Variants in SLC5A12 observed in about 807,000 individuals in gnomAD.
SLC5A12 encodes the protein sodium-coupled monocarboxylate transporter 2.
A neutral mutation model predicts 72.7 loss-of-function variants in SLC5A12; 46 were observed. The observed-to-expected ratio is 0.63, with a 90% CI of 0.50 to 0.81. SLC5A12 has a LOEUF of 0.81. SLC5A12 is among the 30% of genes least tolerant of loss of function. The pLI, the probability that SLC5A12 is intolerant of heterozygous loss-of-function variation, is 0.00. For synonymous variants in SLC5A12, 275 were observed against 264.4 expected (o/e 1.04, Z -0.39); for missense variants, 683 against 740.7 (o/e 0.92, Z 0.90).
intron 4 of SLC5A12, 47 bp downstream of exon 4, chr11:26,709,265 C>A: frequency 3.6e-6 from 5 of 1,396,194 alleles, no homozygotes; most frequent in South Asian, 1.3e-5. Context: ...GCCCTTATCC[C>A]ATATTAGGAG....
chr11:26,703,879 C>G lies in SLC5A12; in HGVS notation c.594G>C (p.Thr198=). The change falls in exon 5 of 15, where the codon ACG becomes ACC. Residue 198 remains threonine, a synonymous_variant. Coordinates refer to ENST00000396005, the MANE Select transcript of SLC5A12 (RefSeq NM_178498.4). ...QMVVMIVGFL[T]VLIQGSTHAG... is the part of the protein sequence containing the mutation. ...CATGAGTTGATCCTTGAATGAGAACCGTTAAGAAGCCCACAATCATGACAA... is the reference window on the plus strand; with the variant it reads ...CATGAGTTGATCCTTGAATGAGAACGGTTAAGAAGCCCACAATCATGACAA... 1.2e-6 allele frequency: 2 copies of G among 1,613,818 alleles called. No individual in the cohort carries two copies. Among genetic ancestry groups the G allele is most frequent in the Non-Finnish European group, 1.7e-6 (2 of 1,179,830 alleles).
intron 6 of SLC5A12, 88 bp from the exon 7 acceptor site, chr11:26,698,623 T>C: frequency 8.1e-7 from 1 of 1,237,828 alleles, no homozygotes; most frequent in African/African-American, 1.5e-5. Flanking sequence ...GGTAAAGGGT[T>C]TTGGGTCTTT....
chr11:26,716,533 T>TA (rs1855353305), intron 1 of SLC5A12, among the ~76,000 whole-genome samples: 2 of 152,190 alleles, frequency 1.3e-5, no homozygotes, highest in Non-Finnish European at 2.9e-5. Context: ...TGCCTGCTTG[T>TA]AAAAATACCT....
rs549854730 is a variant in SLC5A12, at chr11:26,672,700, T to C, written c.1707+702A>G. 2.2e-4 allele frequency among the ~76,000 whole-genome samples: 34 copies of C among 152,264 alleles called. 1 individual carries two copies. The South Asian group carries it at 6.8e-3, about 31-fold the overall frequency. ...TCAAGTCAGTAAGTCCAATTTTGTCTAACTACAGGCTCTTTCTGGTGGTCT... is the reference window on the plus strand; with the variant it reads ...TCAAGTCAGTAAGTCCAATTTTGTCCAACTACAGGCTCTTTCTGGTGGTCT... On this transcript the variant is annotated intron_variant, in intron 14 of 14. Coordinates refer to ENST00000396005, the MANE Select transcript of SLC5A12 (RefSeq NM_178498.4).
intron 8 of SLC5A12, among the ~76,000 whole-genome samples, chr11:26,695,780 C>A (rs559191176): frequency 5.3e-5 from 8 of 152,250 alleles, no homozygotes; most frequent in African/African-American, 1.7e-4. Flanking sequence ...ACTTGAAATG[C>A]AAACTCTACC....
intron 9 of SLC5A12, among the ~76,000 whole-genome samples, chr11:26,688,702 A>G (rs1201924229): frequency 6.6e-6 from 1 of 152,240 alleles, no homozygotes; most frequent in Non-Finnish European, 1.5e-5. Flanking sequence ...GCAAGGACAT[A>G]CAAGTCAAGA....
At chr11:26,689,170 C>A (rs771883759) in intron 9 of SLC5A12, among the ~76,000 whole-genome samples, 2 of 150,314 alleles carry the variant, frequency 1.3e-5, no homozygotes, top group Non-Finnish European at 2.9e-5. Context: ...CCTAGGCAGG[C>A]GGATCAGCTG....
chr11:26,697,147 G>A lies in SLC5A12; in HGVS notation c.1040+17C>T. ...TCCTTTCCATCATCATCATCAGATT[G>A]TTGTTGCTATACTAACCTCAGAGTT... is the stretch of plus-strand genomic sequence containing the variant. On this transcript the variant is annotated intron_variant, in intron 8 of 14. Transcript: ENST00000396005. 1 of 1,597,056 alleles carries A rather than the reference G, an allele frequency of 6.3e-7. No individual in the cohort carries two copies.
intron 10 of SLC5A12, among the ~76,000 whole-genome samples, chr11:26,685,463 T>C (rs1854507548): frequency 6.6e-6 from 1 of 151,748 alleles, no homozygotes. Context: ...CTACTAAAAC[T>C]ACAAAAATTA....
intron 3 of SLC5A12, among the ~76,000 whole-genome samples, chr11:26,710,244 T>C (rs1240475982): frequency 6.6e-6 from 1 of 152,176 alleles, no homozygotes; most frequent in Non-Finnish European, 1.5e-5. Flanking sequence ...ATGTGCCACA[T>C]TTTCTTTATC....
chr11:26,694,524 T>G (rs993187657), intron 8 of SLC5A12, among the ~76,000 whole-genome samples: 13 of 152,160 alleles, frequency 8.5e-5, no homozygotes, highest in Non-Finnish European at 1.9e-4. Flanking sequence ...CTGTCCTTAG[T>G]GTCCTTGAGA....
At chr11:26,699,889 A>T (rs1048039794) in intron 6 of SLC5A12, among the ~76,000 whole-genome samples, 6 of 152,198 alleles carry the variant, frequency 3.9e-5, no homozygotes, top group African/African-American at 1.4e-4. Flanking sequence ...CATATAGCAA[A>T]TATAAAATTA....
In SLC5A12 at chr11:26,670,768, C is replaced by T. The variant is rs766419657; in HGVS notation, c.*334G>A. The T allele has an allele frequency of 7.8e-5, 14 of 178,960 alleles. No homozygotes were observed. The highest frequency in any genetic ancestry group is 2.5e-4 in the Admixed American group (4 of 16,026). The allele number at this position is 178,960 out of a possible 1,614,324, so 11.1% of individuals were successfully genotyped here. ...TTTGATGGTTAAAAAACTACTAAAA[C>T]GAAAAACCTGAAGTTTAATATGACA... On this transcript the variant is annotated 3_prime_UTR_variant, in exon 15 of 15. Transcript: ENST00000396005.
Position 26,697,264 on chromosome 11 carries a change from G to A in SLC5A12, c.952-12C>T, listed in dbSNP as rs754032185. On this transcript the variant is annotated splice_polypyrimidine_tract_variant and intron_variant, in intron 7 of 14. Transcript: ENST00000396005. ...AAGTACGGCATCAGCTGAAGAGGAGGCAAAACATAAAAAAATAAATAAAAA... is the reference window on the plus strand; with the variant it reads ...AAGTACGGCATCAGCTGAAGAGGAGACAAAACATAAAAAAATAAATAAAAA... 3 of 1,581,372 alleles carry A rather than the reference G, an allele frequency of 1.9e-6. No individual in the cohort carries two copies. The highest frequency in any genetic ancestry group is 2.8e-5 in the African/African-American group (2 of 71,942).
chr11:26,692,819 C>T (rs1047985564), intron 8 of SLC5A12, among the ~76,000 whole-genome samples: 1 of 152,138 alleles, frequency 6.6e-6, no homozygotes, highest in South Asian at 2.1e-4. Flanking sequence ...CCATGAACTA[C>T]AGTGAAGAAG....
intron 9 of SLC5A12, among the ~76,000 whole-genome samples, chr11:26,690,681 G>A (rs1231992925): frequency 6.7e-6 from 1 of 148,654 alleles, no homozygotes; most frequent in Non-Finnish European, 1.5e-5. Flanking sequence ...AGCCAGGCAT[G>A]GTGGCACATG....
chr11:26,721,653 G>C lies in SLC5A12; in HGVS notation c.62C>G (p.Ser21Cys). 6.2e-7 allele frequency: 1 copy of C among 1,613,758 alleles called. No homozygotes were observed. The highest frequency in any genetic ancestry group is 1.1e-5 in the South Asian group (1 of 91,008). The change falls in exon 1 of 15, where the codon TCC becomes TGC. Residue 21 changes from serine to cysteine, a missense_variant. Physicochemically the swap from Ser to Cys is moderately radical, Grantham distance 112. Coordinates refer to ENST00000396005, the MANE Select transcript of SLC5A12 (RefSeq NM_178498.4). ...YVVFAALFFI[S>C]SGIGVFFAIK... ...GGCAAAGAACACCCCAATTCCAGAG[G>C]AAATGAAAAAGAGGGCTGCAAATAC... is the stretch of plus-strand genomic sequence containing the variant.
At position 26,717,619 on chromosome 11, in the gene SLC5A12, G is replaced by C. The variant is rs118153509; in HGVS notation, c.339+3757C>G. ...TCTTGAAATCCCACTGCATATCAAG[G>C]CATTTAAATCAGTTGGCTATTGCTA... On this transcript the variant is annotated intron_variant, in intron 1 of 14. Transcript: ENST00000396005. Among the ~76,000 whole-genome samples the C allele has an allele frequency of 2.1e-3, 318 of 152,230 alleles. 2 individuals carry two copies. Among genetic ancestry groups the C allele is most frequent in the Non-Finnish European group, 3.9e-3 (264 of 68,022 alleles).
rs559309147 is a variant in SLC5A12 at position 26,689,214 on chromosome 11, G to C, written c.1154-2670C>G. On this transcript the variant is annotated intron_variant, in intron 9 of 14. Coordinates refer to ENST00000396005, the MANE Select transcript of SLC5A12 (RefSeq NM_178498.4). ...AGTTTGAGACCAGCCTGGCCAACAT[G>C]GTGAAACCCCGTTTCTACTAAAAAA... Among the ~76,000 whole-genome samples the C allele has an allele frequency of 8.5e-4, 130 of 152,054 alleles. 1 individual carries two copies. The highest frequency in any genetic ancestry group is 8.4e-3 in the Admixed American group (128 of 15,276).
Sources: allele counts gnomAD v4.1 joint callset (sites outside exome capture counted in the v4.1 genomes callset), GRCh38; gene constraint gnomAD v4.1.1; transcripts MANE v1.5; gene names NCBI Gene and HGNC (gene_info 2026-07-23, HGNC 2026-07-21).